EPHA6: variants seen among roughly 807,000 people sequenced by gnomAD.
The protein encoded by EPHA6 is EPH receptor A6, also known as ephrin type-A receptor 6.
Under a neutral mutation model 112.0 loss-of-function variants are expected in EPHA6, and 50 were observed. That is an observed-to-expected ratio of 0.45 (90% confidence interval 0.36 to 0.56). EPHA6 has a LOEUF of 0.56. Among genes scored for constraint, EPHA6 ranks in the 20% least tolerant of loss-of-function variants. The pLI, the probability that EPHA6 is intolerant of heterozygous loss-of-function variation, is 0.00. For synonymous variants in EPHA6, 529 were observed against 490.7 expected (o/e 1.08, Z -1.03); for missense variants, 1,280 against 1,417.4 (o/e 0.90, Z 1.56).
intron 5 of EPHA6, among the ~76,000 whole-genome samples, chr3:97,288,058 T>TAA (rs577313606): frequency 1.4e-5 from 2 of 140,654 alleles, no homozygotes; most frequent in African/African-American, 5.2e-5. Context: ...TTAGGAGACG[T>TAA]AAAAAAAAAA....
intron 14 of EPHA6, among the ~76,000 whole-genome samples, chr3:97,674,035 T>C (rs2031118231): frequency 6.6e-6 from 1 of 152,220 alleles, no homozygotes; most frequent in East Asian, 1.9e-4. Flanking sequence ...CTTAAAATGA[T>C]GTATGTGCAG....
At chr3:97,057,516 T>A (rs2045889704) in intron 3 of EPHA6, among the ~76,000 whole-genome samples, 2 of 152,164 alleles carry the variant, frequency 1.3e-5, no homozygotes. Flanking sequence ...AACCTCTGCT[T>A]GGGTCACGTT....
intron 13 of EPHA6, among the ~76,000 whole-genome samples, chr3:97,618,859 C>T (rs2107493466): frequency 6.6e-6 from 1 of 152,154 alleles, no homozygotes; most frequent in Admixed American, 6.5e-5. Context: ...ACCATTCCTA[C>T]TGAAACAATA....
chr3:97,324,791 C>T (rs539497255), intron 5 of EPHA6, among the ~76,000 whole-genome samples: 9 of 152,058 alleles, frequency 5.9e-5, no homozygotes, highest in African/African-American at 1.9e-4. Flanking sequence ...CCACCTGCCT[C>T]GGCCTCCCAA....
chr3:97,260,048 G>A (rs979009252), intron 5 of EPHA6, among the ~76,000 whole-genome samples: 5 of 152,110 alleles, frequency 3.3e-5, no homozygotes, highest in Non-Finnish European at 5.9e-5. Context: ...TGATCAGCCC[G>A]CTTCGGCCTC....
At chr3:97,698,149 T>G (rs1051335760) in intron 14 of EPHA6, among the ~76,000 whole-genome samples, 1 of 152,068 alleles carries the variant, frequency 6.6e-6, no homozygotes, top group African/African-American at 2.4e-5. Context: ...ATTAGAGGCA[T>G]GCACCACCAT....
chr3:97,024,578 A>G (rs1366072741), intron 3 of EPHA6, among the ~76,000 whole-genome samples: 2 of 152,206 alleles, frequency 1.3e-5, no homozygotes, highest in African/African-American at 2.4e-5. Flanking sequence ...TTGAGAAGCT[A>G]AAACTCAGAA....
chr3:97,257,409 G>A (rs1237895636), intron 5 of EPHA6, among the ~76,000 whole-genome samples: 2 of 151,932 alleles, frequency 1.3e-5, no homozygotes, highest in Non-Finnish European at 2.9e-5. Flanking sequence ...GAGAAAAAAG[G>A]CAATTACCTA....
At chr3:97,725,801 G>A (rs1031652943) in intron 15 of EPHA6, among the ~76,000 whole-genome samples, 8 of 151,982 alleles carry the variant, frequency 5.3e-5, no homozygotes, top group South Asian at 2.1e-4. Context: ...ATGTTGTCCC[G>A]TCATCAACAT....
At chr3:97,154,424 A>G (rs942267546) in intron 3 of EPHA6, among the ~76,000 whole-genome samples, 3 of 152,142 alleles carry the variant, frequency 2.0e-5, no homozygotes, top group Admixed American at 2.0e-4. Flanking sequence ...CACATTATGA[A>G]ATGATTAAAC....
At chr3:96,867,245 TTAAAC>T (rs1214059601) in intron 2 of EPHA6, among the ~76,000 whole-genome samples, 2 of 151,812 alleles carry the variant, frequency 1.3e-5, no homozygotes, top group African/African-American at 4.8e-5. Flanking sequence ...TAAATAAACT[TTAAAC>T]TACTGTAGTA....
chr3:97,539,026 T>TCTTG (rs1491506519), intron 11 of EPHA6, among the ~76,000 whole-genome samples: 14 of 149,386 alleles, frequency 9.4e-5, no homozygotes, highest in East Asian at 2.0e-4. Context: ...TTTCTTTCTT[T>TCTTG]CTTTCTTTCT....
rs146173643 is a variant in EPHA6 at position 96,872,876 on chromosome 3, G to A, written c.450+5987G>A. ...CTGCCTAGTGTTCTTTGAGCTTCCC[G>A]AATCTGTGGTTTGGAGCCTGACAAT... On this transcript the variant is annotated intron_variant, in intron 2 of 17. Transcript: ENST00000389672. 3.1e-3 allele frequency among the ~76,000 whole-genome samples: 475 copies of A among 152,100 alleles called. 4 individuals are homozygous for A. Among genetic ancestry groups the A allele is most frequent in the African/African-American group, 0.011 (436 of 41,510 alleles).
intron 3 of EPHA6, among the ~76,000 whole-genome samples, chr3:97,194,981 T>C (rs2077402093): frequency 6.6e-6 from 1 of 151,980 alleles, no homozygotes; most frequent in African/African-American, 2.4e-5. Flanking sequence ...TTAGGCAATA[T>C]ATGATTGGGT....
intron 1 of EPHA6, among the ~76,000 whole-genome samples, chr3:96,822,799 T>G (rs901875698): frequency 4.0e-5 from 6 of 151,134 alleles, no homozygotes; most frequent in Non-Finnish European, 8.9e-5. Context: ...ACTTGTATTT[T>G]GAGCTACATG....
chr3:97,564,081 A>G (rs1231030664), intron 11 of EPHA6, among the ~76,000 whole-genome samples: 2 of 152,150 alleles, frequency 1.3e-5, no homozygotes, highest in African/African-American at 2.4e-5. Context: ...GTGAATATGA[A>G]AAGCGTTAAG....
intron 2 of EPHA6, among the ~76,000 whole-genome samples, chr3:96,981,127 C>T (rs183302376): frequency 6.6e-5 from 10 of 152,220 alleles, no homozygotes; most frequent in African/African-American, 2.4e-4. Context: ...CTGTCTTGTG[C>T]CAGTTTTCAA....
chr3:97,031,439 G>T (rs1184174402), intron 3 of EPHA6, among the ~76,000 whole-genome samples: 1 of 152,078 alleles, frequency 6.6e-6, no homozygotes, highest in African/African-American at 2.4e-5. Flanking sequence ...AGCCAAAATT[G>T]ACAAATGGGA....
At chr3:97,429,478 A>G (rs1201198494) in intron 6 of EPHA6, among the ~76,000 whole-genome samples, 2 of 152,214 alleles carry the variant, frequency 1.3e-5, no homozygotes, top group Non-Finnish European at 2.9e-5. Context: ...AAGAAAAAAT[A>G]TAACAGTAAA....
Sources: gnomAD v4.1 joint callset for allele counts (sites outside exome capture counted in the v4.1 genomes callset) on GRCh38, gnomAD v4.1.1 for gene constraint, MANE v1.5 for transcripts, NCBI Gene and HGNC (gene_info 2026-07-23, HGNC 2026-07-21) for gene names.